XYLT1: variants seen among roughly 807,000 people sequenced by gnomAD.
XYLT1 encodes beta-D-xylosyltransferase 1.
Under a neutral mutation model 91.3 loss-of-function variants are expected in XYLT1, and 36 were observed. The ratio of observed to expected loss-of-function variants is 0.39; its 90% CI spans 0.30 to 0.52. The LOEUF is 0.52. XYLT1 is among the 20% of genes least tolerant of loss of function. XYLT1 has a pLI of 0.68. For missense variants in XYLT1, 1,242 were observed against 1,284.5 expected, an observed-to-expected ratio of 0.97 and a Z score of 0.51; for synonymous variants, 588 against 532.0, an observed-to-expected ratio of 1.11 and a Z score of -1.45.
At chr16:17,376,824 T>C (rs1023108780) in intron 1 of XYLT1, among the ~76,000 whole-genome samples, 1 of 50,210 alleles carries the variant, frequency 2.0e-5, no homozygotes, top group Non-Finnish European at 3.2e-5. Context: ...CAAAACTCTG[T>C]CTCAAAAAAA....
chr16:17,202,800 G>A (rs371086965), intron 3 of XYLT1, among the ~76,000 whole-genome samples: 11 of 150,628 alleles, frequency 7.3e-5, no homozygotes, highest in Middle Eastern at 3.5e-3. Flanking sequence ...AGAGATGAGG[G>A]GCTATTTTGG....
At chr16:17,443,775 T>C (rs565167977) in intron 1 of XYLT1, among the ~76,000 whole-genome samples, 59 of 152,326 alleles carry the variant, frequency 3.9e-4, no homozygotes, top group African/African-American at 1.4e-3. Context: ...TACACACCTC[T>C]TTCTGTTCCA....
At chr16:17,156,514 C>A (rs1482229017) in intron 6 of XYLT1, among the ~76,000 whole-genome samples, 1 of 152,256 alleles carries the variant, frequency 6.6e-6, no homozygotes, top group African/African-American at 2.4e-5. Flanking sequence ...TTTGCTCCTG[C>A]AGCTATGGGG....
intron 2 of XYLT1, among the ~76,000 whole-genome samples, chr16:17,328,268 C>G (rs1014757811): frequency 6.6e-6 from 1 of 151,858 alleles, no homozygotes; most frequent in Non-Finnish European, 1.5e-5. Flanking sequence ...CATGATAGGC[C>G]GGGTGCAGTG....
At chr16:17,330,788 C>A (rs2034885317) in intron 2 of XYLT1, among the ~76,000 whole-genome samples, 1 of 150,764 alleles carries the variant, frequency 6.6e-6, no homozygotes, top group Non-Finnish European at 1.5e-5. Context: ...AGCAAGACTC[C>A]CTCTCGGAAA....
At chr16:17,451,184 G>C (rs995947480) in intron 1 of XYLT1, among the ~76,000 whole-genome samples, 3 of 152,154 alleles carry the variant, frequency 2.0e-5, no homozygotes, top group African/African-American at 7.2e-5. Context: ...TAATAAAACA[G>C]AGATGATGAA....
intron 2 of XYLT1, among the ~76,000 whole-genome samples, chr16:17,269,335 C>T (rs1488730896): frequency 6.6e-6 from 1 of 152,094 alleles, no homozygotes; most frequent in Admixed American, 6.6e-5. Context: ...CACAGGCTTT[C>T]ACCACTATAC....
intron 2 of XYLT1, among the ~76,000 whole-genome samples, chr16:17,265,171 AGT>A (rs201525313): frequency 0.018 from 2,757 of 152,294 alleles, 96 homozygotes; most frequent in Admixed American, 0.1. Context: ...TGGGTGACAG[AGT>A]GAGACTCTGT....
chr16:17,413,800 G>A (rs555176819), intron 1 of XYLT1, among the ~76,000 whole-genome samples: 166 of 152,186 alleles, frequency 1.1e-3, no homozygotes, highest in African/African-American at 3.8e-3. Context: ...CCCGTTCTTA[G>A]AGATAGCAAA....
intron 1 of XYLT1, among the ~76,000 whole-genome samples, chr16:17,467,521 T>C (rs747664513): frequency 9.9e-5 from 15 of 152,198 alleles, no homozygotes; most frequent in Non-Finnish European, 2.1e-4. Flanking sequence ...AATTCTAATA[T>C]TTAAGAGCTT....
At chr16:17,446,851 G>C (rs896466922) in intron 1 of XYLT1, among the ~76,000 whole-genome samples, 2 of 148,180 alleles carry the variant, frequency 1.3e-5, no homozygotes, top group African/African-American at 5.3e-5. Flanking sequence ...TCCCTTCTCA[G>C]GGCCCAGGGT....
chr16:17,345,797 T>C (rs2035135840), intron 2 of XYLT1, among the ~76,000 whole-genome samples: 1 of 121,224 alleles, frequency 8.2e-6, no homozygotes, highest in Non-Finnish European at 1.8e-5. Flanking sequence ...CTGCTGTTAC[T>C]TCAACCGTTT....
In XYLT1 at chr16:17,397,446, T is replaced by C. The variant is rs371360602; in HGVS notation, c.364-39396A>G. Among the ~76,000 whole-genome samples the C allele has an allele frequency of 8.5e-5, 13 of 152,244 alleles. No homozygotes were observed. In the South Asian group the frequency reaches 1.7e-3, roughly 19 times the overall value. On this transcript the variant is annotated intron_variant, in intron 1 of 11. Transcript: ENST00000261381. ...TAATAAACCGCCTTTCCGGCTTCTA[T>C]TAAAAACTCTGACGATCTGGCAACC...
intron 2 of XYLT1, among the ~76,000 whole-genome samples, chr16:17,339,495 A>G (rs1275821109): frequency 6.6e-6 from 1 of 152,248 alleles, no homozygotes; most frequent in Non-Finnish European, 1.5e-5. Flanking sequence ...ATGTGTTAAT[A>G]AAGAAGCAAA....
intron 3 of XYLT1, among the ~76,000 whole-genome samples, chr16:17,207,579 G>A (rs964232830): frequency 6.6e-5 from 10 of 152,174 alleles, no homozygotes; most frequent in Non-Finnish European, 1.2e-4. Flanking sequence ...GAAGACTCAG[G>A]CCTGAGAGGT....
intron 1 of XYLT1, among the ~76,000 whole-genome samples, chr16:17,375,481 A>AACACACACACACACAC (rs71137985): frequency 0.018 from 2,624 of 147,486 alleles, 45 homozygotes; most frequent in African/African-American, 0.046. Context: ...TAACATTTAA[A>AACACACACACACACAC]ACACACACAC....
intron 2 of XYLT1, among the ~76,000 whole-genome samples, chr16:17,345,313 G>A (rs2035129191): frequency 6.6e-6 from 1 of 152,236 alleles, no homozygotes. Context: ...AACTCGTGCT[G>A]CTTCCCTCTC....
chr16:17,225,901 T>G (rs1420534239), intron 3 of XYLT1, among the ~76,000 whole-genome samples: 1 of 152,136 alleles, frequency 6.6e-6, no homozygotes. Flanking sequence ...CTTAAGCAGA[T>G]TCGGATCATA....
At chr16:17,321,354 T>TTTTTTTTTTTTTTTTTTTTTG (rs2034717885) in intron 2 of XYLT1, among the ~76,000 whole-genome samples, 1 of 108,736 alleles carries the variant, frequency 9.2e-6, no homozygotes. Flanking sequence ...TTTTTTTTTT[T>TTTTTTTTTTTTTTTTTTTTTG]TTTTTTTTTT....
Sources: allele counts gnomAD v4.1 joint callset (sites outside exome capture counted in the v4.1 genomes callset), GRCh38; gene constraint gnomAD v4.1.1; transcripts MANE v1.5; gene names NCBI Gene and HGNC (gene_info 2026-07-23, HGNC 2026-07-21).